The following COX15 variants were observed in gnomAD, a reference collection of about 807,000 sequenced individuals.
COX15 encodes the protein heme A synthase COX15.
In COX15, 51 loss-of-function variants were observed where a neutral mutation model predicts 51.9. The observed-to-expected ratio is 0.98, with a 90% confidence interval of 0.78 to 1.24. COX15 has a LOEUF of 1.24. Ranked by LOEUF, COX15 falls within the 50% of genes most tolerant of loss-of-function variation. COX15 has a pLI of 0.00. For synonymous variants in COX15, 188 were observed against 190.5 expected (o/e 0.99, Z 0.11); for missense variants, 420 against 501.1 (o/e 0.84, Z 1.55).
At chr10:99,716,142 C>A (rs1402276842) in intron 8 of COX15, among the ~76,000 whole-genome samples, 1 of 151,940 alleles carries the variant, frequency 6.6e-6, no homozygotes, top group African/African-American at 2.4e-5. Context: ...CAGGCACACA[C>A]CAACATGCCC....
the COX15 span, chr10:99,696,022 G>A: frequency 5.0e-6 from 8 of 1,614,180 alleles, no homozygotes; most frequent in South Asian, 2.2e-5. Context: ...CACTGAACAC[G>A]TGTACAGGGT....
the COX15 span, chr10:99,704,336 A>G: frequency 2.0e-6 from 2 of 1,025,080 alleles, no homozygotes; most frequent in Middle Eastern, 2.1e-4. Context: ...GGTGTCATAA[A>G]ATGTTTATGT....
At chr10:99,716,524 TG>T in intron 7 of COX15, 63 bp from the exon 8 acceptor site, 2 of 1,142,828 alleles carry the variant, frequency 1.8e-6, no homozygotes, top group South Asian at 2.5e-5. Context: ...TCACCTTACA[TG>T]TATCTCCTCT....
the COX15 span, chr10:99,697,948 A>G: frequency 6.4e-6 from 1 of 156,096 alleles, no homozygotes; most frequent in Non-Finnish European, 1.4e-5. Context: ...TGTTACGGCC[A>G]TGGTGGGAAT....
chr10:99,727,103 C>T lies in COX15; in HGVS notation c.447G>A (p.Glu149=). Residue 149 remains glutamate (E), a synonymous_variant, in exon 4 of 9, where the codon GAG becomes GAA. Coordinates refer to ENST00000016171, the MANE Select transcript of COX15 (RefSeq NM_078470.6). The part of the protein sequence containing the change: ...LTEFKFIWYM[E]YSHRMWGRLV... ...GGCGACCCCACATTCGGTGTGAGTACTCCATGTACCAGATGAACTTGAATT... is the reference window on the plus strand; with the variant it reads ...GGCGACCCCACATTCGGTGTGAGTATTCCATGTACCAGATGAACTTGAATT... 1 of 1,614,180 alleles carries T rather than the reference C, an allele frequency of 6.2e-7. No homozygotes were observed. Among genetic ancestry groups the T allele is most frequent in the East Asian group, 2.2e-5 (1 of 44,876 alleles).
the COX15 span, chr10:99,704,685 G>A: frequency 1.2e-6 from 2 of 1,611,626 alleles, no homozygotes; most frequent in Non-Finnish European, 1.7e-6. Context: ...GGGCCGTGAG[G>A]CTGGACCAGG....
At chr10:99,719,034 G>A (rs2036671937) in intron 6 of COX15, among the ~76,000 whole-genome samples, 1 of 152,056 alleles carries the variant, frequency 6.6e-6, no homozygotes, top group Non-Finnish European at 1.5e-5. Context: ...TCTATTGTGC[G>A]TTATCTGTCT....
chr10:99,704,785 T>A, the COX15 span: 2 of 1,086,422 alleles, frequency 1.8e-6, no homozygotes, highest in Non-Finnish European at 2.7e-6. Context: ...TCTGACCTTG[T>A]GGATATTTGC....
At chr10:99,701,108 CAGATTATAATGGAGAGTGAGCAATAA>C in the COX15 span, 5 of 1,404,802 alleles carry the variant, frequency 3.6e-6, no homozygotes, top group Non-Finnish European at 5.0e-6. Context: ...ATCTAGATGG[CAGATTATAATGGAGAGTGAGCAATAA>C]TGCAGATTAG....
the COX15 span, among the ~76,000 whole-genome samples, chr10:99,701,787 C>T: frequency 7.9e-5 from 12 of 151,902 alleles, no homozygotes; most frequent in Non-Finnish European, 1.8e-4. Flanking sequence ...GTGGCTCACA[C>T]CTGTAATCCT....
In COX15 at chr10:99,721,057, G is replaced by C. The variant is rs367938241; in HGVS notation, c.762C>G (p.Thr254=). 1 of 1,612,818 alleles carries C rather than the reference G, an allele frequency of 6.2e-7. No homozygotes were observed. Among genetic ancestry groups the C allele is most frequent in the African/African-American group, 1.3e-5 (1 of 74,822 alleles). ...LLLPPHKLPE[T]HQLLQLRRFA... ...ATCGTCTCAACTGTAGGAGTTGGTG[G>C]GTTTCAGGCAACTAAATATGAAAAA... The change falls in exon 6 of 9, where the codon ACC becomes ACG. Residue 254 remains threonine (T), a synonymous_variant. Transcript: ENST00000016171.
rs1460880195 is a variant in COX15 at position 99,715,858 on chromosome 10, T to C, written c.1101+490A>G. On this transcript the variant is annotated intron_variant, in intron 8 of 8. Coordinates refer to ENST00000016171, the MANE Select transcript of COX15 (RefSeq NM_078470.6). The stretch of plus-strand genomic sequence containing the variant: ...ATAAGTGAAGCTGAACAGCTTTTCA[T>C]GTTTACTGGCCATTAATCATTGTTT... Among the ~76,000 whole-genome samples, 3 of 152,350 alleles carry C rather than the reference T, an allele frequency of 2.0e-5. No homozygotes were observed. In the East Asian group the frequency reaches 5.8e-4, roughly 29 times the overall value.
intron 1 of COX15, among the ~76,000 whole-genome samples, chr10:99,731,674 T>A (rs1237271905): frequency 2.6e-5 from 4 of 152,234 alleles, no homozygotes; most frequent in Non-Finnish European, 5.9e-5. Context: ...AAAGGCCTGA[T>A]GTATATTAAA....
downstream of COX15, chr10:99,709,304 A>C (rs56206689): frequency 3.9e-4 from 384 of 985,334 alleles, 2 homozygotes; most frequent in African/African-American, 6.1e-3. Flanking sequence ...CTAGTATCTA[A>C]TTGTCCTTTT....
chr10:99,700,479 TTCCTG>T, the COX15 span, among the ~76,000 whole-genome samples: 12 of 151,922 alleles, frequency 7.9e-5, no homozygotes, highest in Non-Finnish European at 1.2e-4. Context: ...GAATGTAAGC[TTCCTG>T]AGGACAGGAA....
At chr10:99,710,247 A>G (rs2036339044), downstream of COX15, 2 of 985,314 alleles carry the variant, frequency 2.0e-6, no homozygotes, top group Non-Finnish European at 2.4e-6. Context: ...TACTAGCTTC[A>G]TAAATGTTTT....
rs1233815999 is a variant in COX15, at chr10:99,731,925, G to A, written c.90+35C>T. The A allele has an allele frequency of 2.5e-6, 4 of 1,585,028 alleles. No homozygotes were observed. The South Asian group carries it at 3.4e-5, about 14-fold the overall frequency. On this transcript the variant is annotated intron_variant, in intron 1 of 8. Transcript: ENST00000016171. ...ATCCCGGCCCTTTCACTCCATCCCCGCTCCCGCGACTCGGAGTCCGCTGCA... is the reference window on the plus strand; with the variant it reads ...ATCCCGGCCCTTTCACTCCATCCCCACTCCCGCGACTCGGAGTCCGCTGCA...
chr10:99,698,707 C>G, the COX15 span: 97 of 1,614,078 alleles, frequency 6.0e-5, 1 homozygote, highest in East Asian at 6.0e-4. Context: ...CGCTCCAACA[C>G]CAGCCAGGCC....
chr10:99,729,679 A>G lies in COX15; in HGVS notation c.146T>C (p.Val49Ala). ...TGTACCCCTTCCAGATTGCAAAGCT[A>G]CTTCAGAGATGGTGCTGTATTGCCC... ...RPGQYSTISEVALQSGRGTVS... is the reference protein window; with the variant it reads ...RPGQYSTISEAALQSGRGTVS... Residue 49 changes from valine to alanine, a missense_variant, in exon 2 of 9, where the codon GTA becomes GCA. Transcript: ENST00000016171. 6.2e-7 allele frequency: 1 copy of G among 1,614,172 alleles called. No homozygotes were observed. Among genetic ancestry groups the G allele is most frequent in the African/African-American group, 1.3e-5 (1 of 75,042 alleles).
Sources: gnomAD v4.1 joint callset for allele counts (sites outside exome capture counted in the v4.1 genomes callset) on GRCh38, gnomAD v4.1.1 for gene constraint, MANE v1.5 for transcripts, NCBI Gene and HGNC (gene_info 2026-07-23, HGNC 2026-07-21) for gene names.